SND1: variants seen among roughly 807,000 people sequenced by gnomAD.
The protein encoded by SND1 is staphylococcal nuclease and tudor domain containing 1, also known as staphylococcal nuclease domain-containing protein 1.
A neutral mutation model predicts 121.7 loss-of-function variants in SND1; 38 were observed. That is an observed-to-expected ratio of 0.31 (90% CI 0.24 to 0.41). The LOEUF is 0.41. Ranked by LOEUF, SND1 falls within the 10% of genes least tolerant of loss-of-function variation. The pLI, the probability that SND1 is intolerant of heterozygous loss-of-function variation, is 1.00. For missense variants in SND1, 868 were observed against 1,184.6 expected, an observed-to-expected ratio of 0.73 and a Z score of 3.92; for synonymous variants, 401 against 447.4, an observed-to-expected ratio of 0.90 and a Z score of 1.31.
At position 127,995,079 on chromosome 7, in the gene SND1, G is replaced by A. The variant is rs779529710; in HGVS notation, c.1779+4023G>A. On this transcript the variant is annotated intron_variant, in intron 16 of 23. Coordinates refer to ENST00000354725, the MANE Select transcript of SND1 (RefSeq NM_014390.4). The stretch of plus-strand genomic sequence containing the variant: ...TAACTGCTTTCATACTATAACAGCC[G>A]AGTTGTGTAGTTACGACAGAGGCTA... Among the ~76,000 whole-genome samples the A allele has an allele frequency of 6.6e-5, 10 of 152,134 alleles. No individual in the cohort carries two copies. The East Asian group carries it at 1.3e-3, about 20-fold the overall frequency.
intron 9 of SND1, among the ~76,000 whole-genome samples, chr7:127,716,480 C>T (rs1266340599): frequency 1.3e-5 from 2 of 148,538 alleles, no homozygotes; most frequent in Non-Finnish European, 3.0e-5. Flanking sequence ...GGAAAAGGAA[C>T]TATTTTCTTA....
chr7:128,031,793 T>TCGCC (rs1792616823), intron 16 of SND1, among the ~76,000 whole-genome samples: 3 of 143,288 alleles, frequency 2.1e-5, no homozygotes, highest in African/African-American at 7.5e-5. Flanking sequence ...CGCCCGCCGC[T>TCGCC]GCCCGGCCCC....
chr7:127,994,288 C>T (rs1039688437), intron 16 of SND1, among the ~76,000 whole-genome samples: 1 of 152,134 alleles, frequency 6.6e-6, no homozygotes. Flanking sequence ...TTCTCTCCTG[C>T]CCTCTTACGT....
chr7:127,743,343 C>G (rs1024273233), intron 10 of SND1, among the ~76,000 whole-genome samples: 2 of 152,226 alleles, frequency 1.3e-5, no homozygotes, highest in African/African-American at 4.8e-5. Context: ...TTCTTTGCCT[C>G]TTACCTAGAC....
intron 15 of SND1, among the ~76,000 whole-genome samples, chr7:127,955,462 C>T (rs1801570035): frequency 6.6e-6 from 1 of 152,116 alleles, no homozygotes; most frequent in East Asian, 1.9e-4. Flanking sequence ...CTGGGACTGT[C>T]AGGGTGGGAA....
chr7:127,960,462 A>G (rs547990585), intron 15 of SND1, among the ~76,000 whole-genome samples: 24 of 152,216 alleles, frequency 1.6e-4, no homozygotes, highest in Admixed American at 3.3e-4. Flanking sequence ...CAGATCTCCA[A>G]TCTCTGGTAG....
chr7:127,983,122 C>T (rs1381065515), intron 15 of SND1, among the ~76,000 whole-genome samples: 3 of 152,148 alleles, frequency 2.0e-5, no homozygotes, highest in African/African-American at 7.2e-5. Flanking sequence ...AAGTATCTTA[C>T]AGTCTATGTG....
chr7:128,032,380 G>T (rs1033223251), intron 16 of SND1, among the ~76,000 whole-genome samples: 5 of 151,274 alleles, frequency 3.3e-5, no homozygotes, highest in African/African-American at 9.7e-5. Flanking sequence ...GGGCCAGGGC[G>T]AGCGGGCGAG....
In SND1 at chr7:127,765,169, TTAGAAAAG is replaced by T. The variant is rs369838631; in HGVS notation, c.1153-42311_1153-42304del. 4.2e-3 allele frequency among the ~76,000 whole-genome samples: 640 copies of T among 152,304 alleles called. 7 individuals are homozygous for T. Among genetic ancestry groups the T allele is most frequent in the African/African-American group, 0.015 (615 of 41,562 alleles). On this transcript the variant is annotated intron_variant, in intron 10 of 23. Transcript: ENST00000354725. The stretch of plus-strand genomic sequence containing the variant: ...CCACTGGACTCTGTAGTGGTCTTTA[TTAGAAAAG>T]TAGCAACAAGAGACTTTTTGTGATG...
At chr7:127,659,814 C>T (rs1413491096) in intron 1 of SND1, among the ~76,000 whole-genome samples, 1 of 152,162 alleles carries the variant, frequency 6.6e-6, no homozygotes, top group African/African-American at 2.4e-5. Flanking sequence ...CTCAAACTCT[C>T]CTTTTCTCTA....
intron 1 of SND1, among the ~76,000 whole-genome samples, chr7:127,656,176 G>A (rs1304609227): frequency 6.6e-6 from 1 of 152,202 alleles, no homozygotes; most frequent in Admixed American, 6.5e-5. Flanking sequence ...CTGTCAGGTT[G>A]TTGTAAAGCA....
At chr7:128,006,471 T>A (rs1802979467) in intron 16 of SND1, among the ~76,000 whole-genome samples, 1 of 152,214 alleles carries the variant, frequency 6.6e-6, no homozygotes, top group African/African-American at 2.4e-5. Context: ...AAACTGTGCA[T>A]TGCGAATGGC....
At chr7:127,968,530 G>A (rs1197447926) in intron 15 of SND1, among the ~76,000 whole-genome samples, 1 of 152,200 alleles carries the variant, frequency 6.6e-6, no homozygotes, top group Non-Finnish European at 1.5e-5. Flanking sequence ...GAAGAAGAAT[G>A]CTGGGATAAT....
chr7:127,785,988 C>T (rs1263986439), intron 10 of SND1, among the ~76,000 whole-genome samples: 1 of 152,082 alleles, frequency 6.6e-6, no homozygotes, highest in Non-Finnish European at 1.5e-5. Flanking sequence ...TTGGTTTCTA[C>T]CTTAACATCT....
intron 15 of SND1, among the ~76,000 whole-genome samples, chr7:127,976,802 A>C (rs1802130447): frequency 6.6e-6 from 1 of 152,192 alleles, no homozygotes; most frequent in South Asian, 2.1e-4. Context: ...ACTGCTTGTC[A>C]CAACACCACC....
chr7:128,057,953 G>A (rs548962202), intron 16 of SND1, among the ~76,000 whole-genome samples: 2 of 152,338 alleles, frequency 1.3e-5, no homozygotes, highest in East Asian at 3.9e-4. Flanking sequence ...ACATTTCCCT[G>A]CAGGTACTAA....
At chr7:127,817,614 C>T (rs1175229859) in intron 11 of SND1, among the ~76,000 whole-genome samples, 1 of 152,074 alleles carries the variant, frequency 6.6e-6, no homozygotes, top group East Asian at 1.9e-4. Context: ...CATCTTGCTT[C>T]CATTTCCAGT....
intron 14 of SND1, among the ~76,000 whole-genome samples, chr7:127,917,607 A>G: frequency 6.6e-6 from 1 of 152,088 alleles, no homozygotes; most frequent in East Asian, 1.9e-4. Context: ...TCTATCCTAT[A>G]CTGATAGGAT....
chr7:128,088,370 A>C (rs1793719948), intron 21 of SND1, among the ~76,000 whole-genome samples: 1 of 148,362 alleles, frequency 6.7e-6, no homozygotes, highest in Non-Finnish European at 1.5e-5. Flanking sequence ...CTGCGGTGAG[A>C]GGATCGCTCG....
Sources: gnomAD v4.1 joint callset for allele counts (sites outside exome capture counted in the v4.1 genomes callset) on GRCh38, gnomAD v4.1.1 for gene constraint, MANE v1.5 for transcripts, NCBI Gene and HGNC (gene_info 2026-07-23, HGNC 2026-07-21) for gene names.